The following SESTD1 variants were observed in gnomAD, a reference collection of about 807,000 sequenced individuals.
The protein encoded by SESTD1 is SEC14 and spectrin domain containing 1.
A neutral mutation model predicts 101.7 loss-of-function variants in SESTD1; 43 were observed. The ratio of observed to expected loss-of-function variants is 0.42; its 90% CI spans 0.33 to 0.55. SESTD1 has a LOEUF of 0.55. Among genes scored for constraint, SESTD1 ranks in the 20% least tolerant of loss-of-function variants. The pLI is 0.07. For missense variants in SESTD1, 647 were observed against 815.1 expected (o/e 0.79, Z 2.51); for synonymous variants, 283 against 286.8 (o/e 0.99, Z 0.13).
intron 17 of SESTD1, 114 bp downstream of exon 17, chr2:179,112,610 G>A: frequency 7.7e-7 from 1 of 1,293,538 alleles, no homozygotes; most frequent in Non-Finnish European, 1.0e-6. Context: ...AGGAGTTAAA[G>A]ATGTGGACCA....
chr2:179,136,042 A>AT (rs534173774), intron 9 of SESTD1, among the ~76,000 whole-genome samples: 1 of 152,088 alleles, frequency 6.6e-6, no homozygotes, highest in Non-Finnish European at 1.5e-5. Context: ...GGAAAGTATC[A>AT]TTTTTTCACG....
chr2:179,162,217 C>G (rs1204922156), intron 5 of SESTD1, among the ~76,000 whole-genome samples: 2 of 151,662 alleles, frequency 1.3e-5, no homozygotes, highest in Admixed American at 1.3e-4. Context: ...CAACTAATAT[C>G]TGAAAGTTTT....
rs74408931 is a variant in SESTD1 at position 179,237,664 on chromosome 2, C to T, written c.-26+26835G>A. On this transcript the variant is annotated intron_variant, in intron 1 of 17. Transcript: ENST00000428443. ...AGGAAAGTGATTTTTTTCCATGGTC[C>T]CTTCTGTCAGTAAGCTCATTTTCCA... is the stretch of plus-strand genomic sequence containing the variant. 5.5e-3 allele frequency among the ~76,000 whole-genome samples: 839 copies of T among 151,958 alleles called. 4 individuals carry two copies. The highest frequency in any genetic ancestry group is 0.019 in the African/African-American group (781 of 41,464).
chr2:179,149,290 C>T lies in SESTD1; in HGVS notation c.581+7G>A. 1 of 1,601,290 alleles carries T rather than the reference C, an allele frequency of 6.2e-7. No homozygotes were observed. Among genetic ancestry groups the T allele is most frequent in the Non-Finnish European group, 8.5e-7 (1 of 1,171,820 alleles). On this transcript the variant is annotated splice_region_variant and intron_variant, in intron 7 of 17. Coordinates refer to ENST00000428443, the MANE Select transcript of SESTD1 (RefSeq NM_178123.5). Reference sequence around the variant, plus strand: ...AAGGATATAATTGCATGCCACTAGCCACCTACCTTTCTTTCTCTTGCTGAT... The same window carrying T: ...AAGGATATAATTGCATGCCACTAGCTACCTACCTTTCTTTCTCTTGCTGAT...
chr2:179,133,582 A>G (rs1267998670), intron 9 of SESTD1, among the ~76,000 whole-genome samples: 1 of 152,188 alleles, frequency 6.6e-6, no homozygotes, highest in Non-Finnish European at 1.5e-5. Flanking sequence ...AATTAGAAAA[A>G]GGAATTTAAG....
intron 1 of SESTD1, among the ~76,000 whole-genome samples, chr2:179,199,755 AC>A (rs2046473780): frequency 6.6e-6 from 1 of 152,142 alleles, no homozygotes; most frequent in Non-Finnish European, 1.5e-5. Context: ...AAATTCAACA[AC>A]CCTTCATGCT....
chr2:179,191,827 T>C lies in SESTD1; in HGVS notation c.15A>G (p.Val5=). The C allele has an allele frequency of 1.2e-6, 2 of 1,612,566 alleles. No homozygotes were observed. Among genetic ancestry groups the C allele is most frequent in the East Asian group, 2.2e-5 (1 of 44,794 alleles). Residue 5 remains valine, a synonymous_variant, in exon 2 of 18, where the codon GTA becomes GTG. Coordinates refer to ENST00000428443, the MANE Select transcript of SESTD1 (RefSeq NM_178123.5). ...GTTTTTTCTTCAGAATGGGTAATAT[T>C]ACTGAGGCCTCCATTTTACTCCAGT... is the stretch of plus-strand genomic sequence containing the variant. MEAS[V]ILPILKKKLA...
At chr2:179,254,317 TTCC>T (rs2047361455) in intron 1 of SESTD1, among the ~76,000 whole-genome samples, 1 of 152,052 alleles carries the variant, frequency 6.6e-6, no homozygotes, top group African/African-American at 2.4e-5. Flanking sequence ...CTACAACCCC[TTCC>T]TCACTTTTTC....
chr2:179,131,362 T>G (rs2045009356), intron 10 of SESTD1, among the ~76,000 whole-genome samples: 1 of 152,188 alleles, frequency 6.6e-6, no homozygotes, highest in African/African-American at 2.4e-5. Flanking sequence ...TTAATCTTGT[T>G]TAGTTAAAAA....
In SESTD1 at chr2:179,108,013, G is replaced by A. The variant is rs1559091871; in HGVS notation, c.*1886C>T. Reference sequence around the variant, plus strand: ...TTGCCCTGAACTTCCTGGCATGTTTGACTAGGAAAAAAGGCTGCACCATTA... The same window carrying A: ...TTGCCCTGAACTTCCTGGCATGTTTAACTAGGAAAAAAGGCTGCACCATTA... On this transcript the variant is annotated 3_prime_UTR_variant, in exon 18 of 18. Coordinates refer to ENST00000428443, the MANE Select transcript of SESTD1 (RefSeq NM_178123.5). 1 of 152,146 alleles carries A rather than the reference G, an allele frequency of 6.6e-6. No homozygotes were observed. Among genetic ancestry groups the A allele is most frequent in the Non-Finnish European group, 1.5e-5 (1 of 68,026 alleles). 9.4% of individuals were successfully genotyped at this position (152,146 alleles called of 1,614,324 possible).
chr2:179,231,356 T>G lies in SESTD1; in HGVS notation c.-26+33143A>C, dbSNP rs114142687. Among the ~76,000 whole-genome samples the G allele has an allele frequency of 3.8e-3, 572 of 152,084 alleles. 8 individuals are homozygous for G. The highest frequency in any genetic ancestry group is 0.013 in the African/African-American group (542 of 41,526). ...GAAAAAGAAAAATGTAAAATAAACT[T>G]TTGTTGAAATAGCAATAGATAAGAA... On this transcript the variant is annotated intron_variant, in intron 1 of 17. Transcript: ENST00000428443.
chr2:179,114,017 C>T lies in SESTD1; in HGVS notation c.1839+1048G>A, dbSNP rs764756703. Among the ~76,000 whole-genome samples the T allele has an allele frequency of 5.3e-5, 8 of 152,108 alleles. 1 individual carries two copies. The highest frequency in any genetic ancestry group is 9.7e-5 in the African/African-American group (4 of 41,438). ...TGTTCTGTTTTTTTTGAACAGTACA[C>T]TGAGTACACAGGTGTGTTCACTTTA... is the stretch of plus-strand genomic sequence containing the variant. On this transcript the variant is annotated intron_variant, in intron 16 of 17. Transcript: ENST00000428443.
chr2:179,178,388 T>G (rs1300838366), intron 3 of SESTD1, among the ~76,000 whole-genome samples: 2 of 152,034 alleles, frequency 1.3e-5, no homozygotes, highest in Non-Finnish European at 2.9e-5. Context: ...CCCAGCACTT[T>G]GGGAGACTAG....
intron 10 of SESTD1, among the ~76,000 whole-genome samples, chr2:179,125,422 C>T (rs2044849671): frequency 6.6e-6 from 1 of 152,186 alleles, no homozygotes; most frequent in Non-Finnish European, 1.5e-5. Context: ...ATCAGAATGA[C>T]CTGTTGAAAC....
rs559636414 is a variant in SESTD1 at position 179,209,621 on chromosome 2, G to A, written c.-25-17755C>T. ...AATCTGCTCCTGAATGATCTTTTGG[G>A]CAACAATAAAATCAAGATAGAAAAA... is the stretch of plus-strand genomic sequence containing the variant. On this transcript the variant is annotated intron_variant, in intron 1 of 17. Transcript: ENST00000428443. 1.9e-4 allele frequency among the ~76,000 whole-genome samples: 25 copies of A among 134,334 alleles called. 6 individuals carry two copies. The highest frequency in any genetic ancestry group is 3.5e-4 in the Non-Finnish European group (22 of 62,370). The allele number at this position is 134,334 out of a possible 152,430, so 88.1% of individuals were successfully genotyped here.
At chr2:179,112,014 C>T (rs2044520654) in intron 17 of SESTD1, among the ~76,000 whole-genome samples, 9 of 152,118 alleles carry the variant, frequency 5.9e-5, no homozygotes, top group Admixed American at 3.9e-4. Flanking sequence ...CCACCACGCC[C>T]GGCTGAAGCT....
intron 10 of SESTD1, among the ~76,000 whole-genome samples, chr2:179,128,792 GGT>G (rs1256246835): frequency 6.6e-6 from 1 of 150,856 alleles, no homozygotes; most frequent in Non-Finnish European, 1.5e-5. Flanking sequence ...TAGAACCTTA[GGT>G]GTATTTTGTT....
intron 5 of SESTD1, among the ~76,000 whole-genome samples, chr2:179,160,644 A>C (rs1458452435): frequency 6.6e-6 from 1 of 152,110 alleles, no homozygotes; most frequent in Admixed American, 6.5e-5. Flanking sequence ...TTGCCTGTGA[A>C]GAAGATGGAA....
chr2:179,242,360 A>C (rs2047166330), intron 1 of SESTD1, among the ~76,000 whole-genome samples: 1 of 152,216 alleles, frequency 6.6e-6, no homozygotes. Context: ...GAATTGGAAG[A>C]ATCAACATCA....
Sources: gnomAD v4.1 joint callset for allele counts (sites outside exome capture counted in the v4.1 genomes callset) on GRCh38, gnomAD v4.1.1 for gene constraint, MANE v1.5 for transcripts, NCBI Gene and HGNC (gene_info 2026-07-23, HGNC 2026-07-21) for gene names.